SLC39A11: variants seen among roughly 807,000 people sequenced by gnomAD.
The protein encoded by SLC39A11 is zinc transporter ZIP11.
SLC39A11 carries 33 observed loss-of-function variants against 36.1 expected under a neutral mutation model. The observed-to-expected ratio is 0.91, with a 90% confidence interval of 0.69 to 1.22. The LOEUF (loss-of-function observed/expected upper bound fraction) is 1.22. Among genes scored for constraint, SLC39A11 ranks in the 50% most tolerant of loss-of-function variants. The probability of loss-of-function intolerance (pLI) is 0.00; values close to 1 mark genes in which losing one functional copy is unlikely to be tolerated. For synonymous variants in SLC39A11, 166 were observed against 170.3 expected, an observed-to-expected ratio of 0.97 and a Z score of 0.20; for missense variants, 432 against 430.3, an observed-to-expected ratio of 1.00 and a Z score of -0.03.
At chr17:72,862,512 C>T (rs1241305870) in intron 5 of SLC39A11, among the ~76,000 whole-genome samples, 2 of 152,164 alleles carry the variant, frequency 1.3e-5, no homozygotes, top group Admixed American at 1.3e-4. Flanking sequence ...CTTTCCCATC[C>T]TGTTCCTACT....
chr17:72,789,261 C>T (rs2145036345), intron 6 of SLC39A11, among the ~76,000 whole-genome samples: 1 of 152,314 alleles, frequency 6.6e-6, no homozygotes, highest in South Asian at 2.1e-4. Flanking sequence ...TCTCAAACTC[C>T]TGACCTCGTG....
chr17:73,047,990 A>AAATATAT (rs1555693446), intron 3 of SLC39A11, among the ~76,000 whole-genome samples: 14 of 58,700 alleles, frequency 2.4e-4, no homozygotes, highest in Non-Finnish European at 3.9e-4. Flanking sequence ...AAAAAAAAAA[A>AAATATAT]ATATATATAT....
rs918316419 is a variant in SLC39A11 at position 72,893,641 on chromosome 17, T to G, written c.431-43837A>C. Among the ~76,000 whole-genome samples the G allele has an allele frequency of 4.5e-4, 68 of 152,038 alleles. 1 individual carries two copies. Among genetic ancestry groups the G allele is most frequent in the African/African-American group, 1.6e-3 (66 of 41,464 alleles). On this transcript the variant is annotated intron_variant, in intron 5 of 9. Coordinates refer to ENST00000255559, the MANE Select transcript of SLC39A11 (RefSeq NM_139177.4). ...CAGGCCAAATTTAGGGTTAAAAAAA[T>G]GGGGGGTTAGGGAGGGCCTTAATTT...
intron 7 of SLC39A11, among the ~76,000 whole-genome samples, chr17:72,668,253 C>T (rs2070845312): frequency 6.6e-6 from 1 of 151,164 alleles, no homozygotes; most frequent in African/African-American, 2.4e-5. Flanking sequence ...TGGCTTCTAG[C>T]ACATACCTGG....
chr17:72,807,371 T>C (rs911911973), intron 6 of SLC39A11, among the ~76,000 whole-genome samples: 24 of 152,232 alleles, frequency 1.6e-4, no homozygotes, highest in Non-Finnish European at 3.2e-4. Flanking sequence ...CCCAAACTCC[T>C]GGAATTAACT....
At chr17:72,861,743 TATATATATATATATATATATA>T (rs2080040885) in intron 5 of SLC39A11, among the ~76,000 whole-genome samples, 1 of 2,344 alleles carries the variant, frequency 4.3e-4, no homozygotes, top group African/African-American at 2.2e-3. Context: ...TTGGAGATTA[TATATATATATATATATATATA>T]TATATATATA....
At chr17:73,027,362 T>C (rs972821226) in intron 4 of SLC39A11, among the ~76,000 whole-genome samples, 2 of 152,186 alleles carry the variant, frequency 1.3e-5, no homozygotes, top group African/African-American at 2.4e-5. Flanking sequence ...GGCTGCACCT[T>C]CCTTGTCCAC....
At position 72,843,296 on chromosome 17, in the gene SLC39A11, A is replaced by C. The variant is rs535575752; in HGVS notation, c.601+6338T>G. Among the ~76,000 whole-genome samples, 42 of 152,184 alleles carry C rather than the reference A, an allele frequency of 2.8e-4. No homozygotes were observed. The East Asian group carries it at 7.7e-3, about 28-fold the overall frequency. ...CTAGGGTTGTGGATAGACTCCATAA[A>C]GTCTAAACACCCAGAATTGTCTGCA... On this transcript the variant is annotated intron_variant, in intron 6 of 9. Transcript: ENST00000255559.
intron 4 of SLC39A11, among the ~76,000 whole-genome samples, chr17:72,959,323 G>GTATA (rs766454318): frequency 0.045 from 3,643 of 80,100 alleles, 148 homozygotes; most frequent in Non-Finnish European, 0.061. Context: ...GTGTGTGTGT[G>GTATA]TGTATATATA....
chr17:72,924,171 T>TG (rs2083888398), intron 5 of SLC39A11, among the ~76,000 whole-genome samples: 1 of 150,472 alleles, frequency 6.6e-6, no homozygotes, highest in African/African-American at 2.4e-5. Flanking sequence ...AATTTTTTTT[T>TG]TTTTTTTAAG....
chr17:73,014,760 C>T (rs1228165905), intron 4 of SLC39A11, among the ~76,000 whole-genome samples: 1 of 152,230 alleles, frequency 6.6e-6, no homozygotes, highest in Admixed American at 6.5e-5. Context: ...TCGCTCCCAG[C>T]GTCATCTGAC....
chr17:72,890,173 G>C (rs554530520), intron 5 of SLC39A11, among the ~76,000 whole-genome samples: 1 of 152,042 alleles, frequency 6.6e-6, no homozygotes, highest in South Asian at 2.1e-4. Context: ...GCTGAGACAG[G>C]AGTATCACTT....
intron 6 of SLC39A11, among the ~76,000 whole-genome samples, chr17:72,813,579 C>T (rs1460639569): frequency 6.6e-6 from 1 of 152,188 alleles, no homozygotes; most frequent in East Asian, 1.9e-4. Context: ...TGGATGTCAT[C>T]ATCAGAATGC....
intron 6 of SLC39A11, among the ~76,000 whole-genome samples, chr17:72,746,803 T>C (rs1159453983): frequency 3.3e-5 from 5 of 151,740 alleles, no homozygotes; most frequent in Admixed American, 2.6e-4. Context: ...TCCCAGCTAC[T>C]AGGGAGGATG....
chr17:73,017,616 G>A (rs1416556140), intron 4 of SLC39A11, among the ~76,000 whole-genome samples: 1 of 152,186 alleles, frequency 6.6e-6, no homozygotes, highest in East Asian at 1.9e-4. Context: ...GGGAGGCTGA[G>A]GAAGGAGAAT....
chr17:72,740,870 G>T (rs1479220599), intron 6 of SLC39A11, among the ~76,000 whole-genome samples: 2 of 152,136 alleles, frequency 1.3e-5, no homozygotes, highest in Non-Finnish European at 2.9e-5. Context: ...CGCCTCCCAG[G>T]TTCAAGCGAT....
At chr17:72,727,431 A>G (rs1200228829) in intron 7 of SLC39A11, among the ~76,000 whole-genome samples, 1 of 152,134 alleles carries the variant, frequency 6.6e-6, no homozygotes, top group Admixed American at 6.5e-5. Flanking sequence ...AGGCGGGTGG[A>G]TCACGAGGTC....
intron 7 of SLC39A11, among the ~76,000 whole-genome samples, chr17:72,674,172 CCT>C (rs1398248265): frequency 6.6e-6 from 1 of 152,150 alleles, no homozygotes. Context: ...TGCCACATAC[CCT>C]CTCTAGGTAA....
At chr17:72,828,731 C>A (rs372396287) in intron 6 of SLC39A11, among the ~76,000 whole-genome samples, 12 of 152,094 alleles carry the variant, frequency 7.9e-5, no homozygotes, top group Admixed American at 7.9e-4. Context: ...TTGTGTGCCA[C>A]GTTTCCAGGA....
Sources: allele counts gnomAD v4.1 joint callset (sites outside exome capture counted in the v4.1 genomes callset), GRCh38; gene constraint gnomAD v4.1.1; transcripts MANE v1.5; gene names NCBI Gene and HGNC (gene_info 2026-07-23, HGNC 2026-07-21).